SAP130: variants seen among roughly 807,000 people sequenced by gnomAD.
SAP130 encodes Sin3A associated protein 130.
SAP130 carries 16 observed loss-of-function variants against 103.2 expected under a neutral mutation model. The observed-to-expected ratio is 0.16, with a 90% confidence interval of 0.10 to 0.24. The LOEUF (loss-of-function observed/expected upper bound fraction) is 0.24, where lower values mean the gene tolerates loss of function less well. Among genes scored for constraint, SAP130 ranks in the 10% least tolerant of loss-of-function variants. The probability of loss-of-function intolerance (pLI) is 1.00; values close to 1 mark genes in which losing one functional copy is unlikely to be tolerated. For synonymous variants in SAP130, 477 were observed against 497.0 expected (o/e 0.96, Z 0.53); for missense variants, 990 against 1,359.7 (o/e 0.73, Z 4.28).
intron 15 of SAP130, among the ~76,000 whole-genome samples, chr2:127,965,970 C>T (rs963289769): frequency 6.6e-6 from 1 of 152,190 alleles, no homozygotes; most frequent in Middle Eastern, 3.2e-3. Flanking sequence ...CTTTGAAACT[C>T]TCCTCATACT....
At chr2:127,957,959 C>T (rs1004112388) in intron 15 of SAP130, among the ~76,000 whole-genome samples, 1 of 152,134 alleles carries the variant, frequency 6.6e-6, no homozygotes, top group African/African-American at 2.4e-5. Flanking sequence ...AGAAATAATA[C>T]ATTAAGATTT....
In SAP130 at chr2:127,978,107, C is replaced by T. The variant is rs1443192073; in HGVS notation, c.1959-18G>A. 10 of 1,541,548 alleles carry T rather than the reference C, an allele frequency of 6.5e-6. No individual in the cohort carries two copies. In the East Asian group the frequency reaches 2.2e-4, roughly 34 times the overall value. ...CTGCCATTCTGAAAGAGACAAGAGA[C>T]AAACCCGGAGAACAGCAGTCCAAGG... On this transcript the variant is annotated intron_variant, in intron 14 of 20. Coordinates refer to ENST00000643581, the MANE Select transcript of SAP130 (RefSeq NM_001330301.2).
chr2:128,023,046 T>G (rs983545478), intron 2 of SAP130, among the ~76,000 whole-genome samples: 17 of 151,790 alleles, frequency 1.1e-4, no homozygotes, highest in African/African-American at 3.9e-4. Flanking sequence ...CAGGCTGAAG[T>G]GCAGTGGCGC....
chr2:127,948,689 T>C, intron 18 of SAP130, among the ~76,000 whole-genome samples: 1 of 152,174 alleles, frequency 6.6e-6, no homozygotes, highest in Admixed American at 6.6e-5. Context: ...TAATTTATGT[T>C]ATTTTATAGG....
In SAP130 at chr2:127,953,148, A is replaced by T. The variant is rs1679605104; in HGVS notation, c.2422+1838T>A. On this transcript the variant is annotated intron_variant, in intron 16 of 20. Coordinates refer to ENST00000643581, the MANE Select transcript of SAP130 (RefSeq NM_001330301.2). The surrounding 1 kb of genome is among the most constrained non-coding windows in gnomAD (Gnocchi z 4.0). ...TCCCTACAAAACATGGTCCTCCTGCAGGCTTTCCTAATTCAGCCAATGGCA... is the reference window on the plus strand; with the variant it reads ...TCCCTACAAAACATGGTCCTCCTGCTGGCTTTCCTAATTCAGCCAATGGCA... Among the ~76,000 whole-genome samples the T allele has an allele frequency of 6.6e-6, 1 of 152,226 alleles. No individual in the cohort carries two copies. The highest frequency in any genetic ancestry group is 6.5e-5 in the Admixed American group (1 of 15,274).
At chr2:127,976,852 G>A (rs1038481340) in intron 15 of SAP130, among the ~76,000 whole-genome samples, 1 of 152,178 alleles carries the variant, frequency 6.6e-6, no homozygotes, top group Non-Finnish European at 1.5e-5. Context: ...GGAGGTTGCA[G>A]TGAGGGCCAC....
At chr2:127,958,134 G>T (rs984262532) in intron 15 of SAP130, among the ~76,000 whole-genome samples, 1 of 152,200 alleles carries the variant, frequency 6.6e-6, no homozygotes, top group African/African-American at 2.4e-5. Flanking sequence ...ATAAAAAAAG[G>T]CTGGGCACAG....
At chr2:127,950,105 T>C (rs886912993) in intron 17 of SAP130, 55 bp downstream of exon 17, 30 of 1,610,968 alleles carry the variant, frequency 1.9e-5, no homozygotes, top group Non-Finnish European at 2.5e-5. Context: ...GCCTCTGGGT[T>C]GGACTCTGAC....
intron 11 of SAP130, among the ~76,000 whole-genome samples, chr2:127,995,903 G>GT (rs1683146817): frequency 6.6e-6 from 1 of 152,040 alleles, no homozygotes; most frequent in Admixed American, 6.5e-5. Context: ...AAGAAACAAC[G>GT]TGACAGTACC....
At chr2:128,027,268 C>G (rs1685580946) in intron 1 of SAP130, 1 of 1,175,056 alleles carries the variant, frequency 8.5e-7, no homozygotes, top group Non-Finnish European at 1.1e-6. Flanking sequence ...CCCCGCCACC[C>G]GGCCGCCGCT....
intron 14 of SAP130, among the ~76,000 whole-genome samples, chr2:127,983,976 T>A (rs1209313240): frequency 6.6e-6 from 1 of 152,066 alleles, no homozygotes; most frequent in East Asian, 1.9e-4. Flanking sequence ...AACAAACTCC[T>A]TACTTTGTAA....
intron 15 of SAP130, among the ~76,000 whole-genome samples, chr2:127,974,859 T>C (rs566925905): frequency 1.3e-5 from 2 of 152,168 alleles, no homozygotes; most frequent in Non-Finnish European, 2.9e-5. Flanking sequence ...TACACAAATA[T>C]GTACCACTGT....
chr2:127,963,536 T>A (rs144491307), intron 15 of SAP130, among the ~76,000 whole-genome samples: 1 of 152,260 alleles, frequency 6.6e-6, no homozygotes, highest in East Asian at 1.9e-4. Flanking sequence ...CAGCCCTGAG[T>A]CAAATTTCCC....
At chr2:128,003,957 CTTT>C (rs61211577) in intron 7 of SAP130, among the ~76,000 whole-genome samples, 7 of 67,912 alleles carry the variant, frequency 1.0e-4, no homozygotes, top group Admixed American at 4.6e-4. Flanking sequence ...CACAGATCAG[CTTT>C]TTTTTTTTTT....
intron 7 of SAP130, 64 bp from the exon 8 acceptor site, chr2:128,000,518 G>A (rs1418433940): frequency 1.3e-6 from 2 of 1,579,902 alleles, no homozygotes; most frequent in African/African-American, 2.7e-5. Flanking sequence ...TCCTAGGTTA[G>A]TCATGCAAGT....
At chr2:128,027,296 C>T (rs1353350688) in intron 1 of SAP130, 30 of 1,158,730 alleles carry the variant, frequency 2.6e-5, no homozygotes, top group Non-Finnish European at 3.1e-5. Context: ...CAGTCCTCTT[C>T]CCCCGAACCT....
intron 2 of SAP130, 77 bp downstream of exon 2, chr2:128,026,104 T>C: frequency 1.1e-6 from 1 of 930,080 alleles, no homozygotes; most frequent in Non-Finnish European, 1.7e-6. Context: ...CCTAGAAGAA[T>C]CTGCTAATTT....
intron 5 of SAP130, among the ~76,000 whole-genome samples, chr2:128,013,878 T>C (rs1684574311): frequency 6.6e-6 from 1 of 152,186 alleles, no homozygotes; most frequent in African/African-American, 2.4e-5. Context: ...CCAGCCTGGG[T>C]AACCCAGTGA....
chr2:127,944,147 T>A (rs757270336), intron 19 of SAP130, among the ~76,000 whole-genome samples: 3 of 152,076 alleles, frequency 2.0e-5, no homozygotes, highest in Non-Finnish European at 4.4e-5. Context: ...TCCTCCCACC[T>A]CAGCTTCCCA....
Sources: allele counts gnomAD v4.1 joint callset (sites outside exome capture counted in the v4.1 genomes callset), GRCh38; gene constraint gnomAD v4.1.1; non-coding constraint Gnocchi (gnomAD v3.1); transcripts MANE v1.5; gene names NCBI Gene and HGNC (gene_info 2026-07-23, HGNC 2026-07-21).